The following MCF2 variants were observed in gnomAD, a reference collection of about 807,000 sequenced individuals.
MCF2 encodes MCF.2 cell line derived transforming sequence.
In MCF2, 44 loss-of-function variants were observed where a neutral mutation model predicts 82.5. That is an observed-to-expected ratio of 0.53 (90% CI 0.42 to 0.69). The LOEUF is 0.69. Among genes scored for constraint, MCF2 ranks in the 30% least tolerant of loss-of-function variants. The pLI, the probability that MCF2 is intolerant of heterozygous loss-of-function variation, is 0.00. For synonymous variants in MCF2, 217 were observed against 224.9 expected (o/e 0.96, Z 0.32); for missense variants, 623 against 663.1 (o/e 0.94, Z 0.66).
chrX:139,638,466 G>A (rs1231066046), intron 1 of MCF2, among the ~76,000 whole-genome samples: 3 of 111,400 alleles, frequency 2.7e-5, no homozygotes, highest in Non-Finnish European at 3.8e-5. Flanking sequence ...ATATGACGAG[G>A]AGCAACAGGA....
chrX:139,586,012 T>C (rs911717367), intron 23 of MCF2, among the ~76,000 whole-genome samples: 20 of 111,938 alleles, frequency 1.8e-4, no homozygotes, highest in African/African-American at 6.5e-4. Context: ...ATATCCTTTA[T>C]AGCAGGGGTT....
intron 1 of MCF2, among the ~76,000 whole-genome samples, chrX:139,701,758 A>C (rs1935503269): frequency 8.9e-6 from 1 of 112,628 alleles, no homozygotes; most frequent in Admixed American, 9.4e-5. Flanking sequence ...AAATACACAA[A>C]TACACAAATG....
At chrX:139,672,844 A>C (rs1039031328) in intron 1 of MCF2, among the ~76,000 whole-genome samples, 9 of 112,029 alleles carry the variant, frequency 8.0e-5, no homozygotes, top group African/African-American at 2.9e-4. Context: ...TGAGTTAGGG[A>C]GGATTCCCTC....
At chrX:139,617,645 G>A (rs924895349) in exon 8 of MCF2, 2 of 1,203,026 alleles carry the variant, frequency 1.7e-6, no homozygotes, top group Non-Finnish European at 1.1e-6. Flanking sequence ...GTGCATAATG[G>A]TGATTTGCTG....
rs768721500 is a variant in MCF2 at position 139,659,241 on chromosome X, C to T, written c.-44-7453G>A. On this transcript the variant is annotated intron_variant, in intron 1 of 27. Coordinates refer to the MCF2 transcript ENST00000414978. ...GGCGGAGGTTGCAGTGAGGTGAGAT[C>T]GTGCCACTGCACTCCAGCCTGGTGA... Among the ~76,000 whole-genome samples the T allele has an allele frequency of 7.3e-5, 8 of 109,322 alleles. No homozygotes were observed. In the South Asian group the frequency reaches 3.2e-3, roughly 44 times the overall value. 94.9% of individuals were successfully genotyped at this position (109,322 alleles called of 115,157 possible).
intron 16 of MCF2, among the ~76,000 whole-genome samples, chrX:139,601,351 A>G (rs976116976): frequency 4.5e-5 from 5 of 111,695 alleles, no homozygotes; most frequent in African/African-American, 1.3e-4. Flanking sequence ...AAGCTTTCAG[A>G]GGACAGAAAC....
At chrX:139,605,616 G>A (rs1930932769) in intron 13 of MCF2, 97 bp downstream of exon 17, 1 of 690,620 alleles carries the variant, frequency 1.4e-6, no homozygotes, top group Non-Finnish European at 2.2e-6. Flanking sequence ...ACCAAGGAAG[G>A]AGACGGAAGT....
At position 139,685,937 on chromosome X, in the gene MCF2, C is replaced by T. The variant is rs1409445190; in HGVS notation, c.-45+22169G>A. ...GATGAAGTAGGCTTTATCCCTGGGACGCAAGTTTGGTTCAAGACATGCAAA... is the reference window on the plus strand; with the variant it reads ...GATGAAGTAGGCTTTATCCCTGGGATGCAAGTTTGGTTCAAGACATGCAAA... On this transcript the variant is annotated intron_variant, in intron 1 of 27. Coordinates refer to the MCF2 transcript ENST00000414978. 4.5e-5 allele frequency among the ~76,000 whole-genome samples: 5 copies of T among 111,067 alleles called. No homozygotes were observed. The East Asian group carries it at 8.5e-4, about 19-fold the overall frequency.
At chrX:139,672,426 A>G (rs1245987447) in intron 1 of MCF2, among the ~76,000 whole-genome samples, 1 of 112,655 alleles carries the variant, frequency 8.9e-6, no homozygotes, top group African/African-American at 3.2e-5. Flanking sequence ...GTTTTTGCCC[A>G]TTCAGTATGA....
At chrX:139,628,718 C>T (rs1299182846) in intron 4 of MCF2, among the ~76,000 whole-genome samples, 1 of 112,094 alleles carries the variant, frequency 8.9e-6, no homozygotes, top group African/African-American at 3.2e-5. Flanking sequence ...TGTCTATTAT[C>T]AGATGAGAGA....
chrX:139,614,674 C>T (rs1223542128), intron 10 of MCF2, among the ~76,000 whole-genome samples: 3 of 111,353 alleles, frequency 2.7e-5, no homozygotes, highest in African/African-American at 9.8e-5. Flanking sequence ...TTCACAATTC[C>T]TTGTACTGTA....
intron 1 of MCF2, chrX:139,692,009 C>CA: frequency 8.6e-7 from 1 of 1,166,432 alleles, no homozygotes; most frequent in Non-Finnish European, 1.1e-6. Context: ...TGTCCACCTG[C>CA]AGAGGGATCG....
intron 1 of MCF2, among the ~76,000 whole-genome samples, chrX:139,706,123 A>G (rs1175950309): frequency 1.8e-5 from 2 of 112,704 alleles, no homozygotes; most frequent in South Asian, 3.7e-4. Flanking sequence ...GTTGGTGGAA[A>G]TGTAAATTAG....
At chrX:139,680,504 A>G (rs922286958) in intron 1 of MCF2, among the ~76,000 whole-genome samples, 35 of 112,295 alleles carry the variant, frequency 3.1e-4, no homozygotes, top group Non-Finnish European at 7.5e-5. Flanking sequence ...CAGTTCTTGC[A>G]GTGTAAACGA....
upstream of MCF2, among the ~76,000 whole-genome samples, chrX:139,644,743 G>GTAAGAA (rs1190203370): frequency 8.9e-6 from 1 of 111,969 alleles, no homozygotes; most frequent in African/African-American, 3.2e-5. Flanking sequence ...AGGAGACAAA[G>GTAAGAA]TAAGAATTTC....
intron 11 of MCF2, 37 bp downstream of exon 15, chrX:139,610,264 C>T: frequency 1.0e-6 from 1 of 967,389 alleles, no homozygotes; most frequent in Middle Eastern, 2.7e-4. Flanking sequence ...GCAACTAAAG[C>T]AATAAAGTCA....
At chrX:139,612,795 T>G (rs1335656443) in intron 10 of MCF2, among the ~76,000 whole-genome samples, 1 of 111,697 alleles carries the variant, frequency 9.0e-6, no homozygotes, top group Non-Finnish European at 1.9e-5. Flanking sequence ...GATAAAAACA[T>G]TTATCCATCC....
Position 139,629,839 on chromosome X carries a change from T to C in MCF2, c.294A>G (p.Ile98Met), listed in dbSNP as rs1445438033. The change falls in exon 4 of 25, where the codon ATA becomes ATG. Residue 98 changes from isoleucine to methionine, a missense_variant. By Grantham distance (10) the Ile-to-Met change is conservative. Transcript: ENST00000370576. ...CTTTCACTGTGAGGGCAAAATTTTC[T>C]ATAGCCTGCAAAGAGCCGGTGATTA... The C allele has an allele frequency of 2.5e-6, 3 of 1,205,986 alleles. 1 individual carries two copies. The Admixed American group carries it at 6.6e-5, about 26-fold the overall frequency.
chrX:139,606,717 T>C (rs1215492071), intron 12 of MCF2, among the ~76,000 whole-genome samples: 1 of 112,129 alleles, frequency 8.9e-6, no homozygotes, highest in African/African-American at 3.2e-5. Flanking sequence ...TTCCTTTCAA[T>C]GTGATTTCCA....
Sources: allele counts gnomAD v4.1 joint callset (sites outside exome capture counted in the v4.1 genomes callset), GRCh38; gene constraint gnomAD v4.1.1; transcripts MANE v1.5; gene names NCBI Gene and HGNC (gene_info 2026-07-23, HGNC 2026-07-21).